PIWIL1: variants seen among roughly 807,000 people sequenced by gnomAD.
The protein encoded by PIWIL1 is piwi like RNA-mediated gene silencing 1.
Under a neutral mutation model 114.4 loss-of-function variants are expected in PIWIL1, and 73 were observed. That is an observed-to-expected ratio of 0.64 (90% CI 0.53 to 0.78). The LOEUF (loss-of-function observed/expected upper bound fraction) is 0.78, where lower values mean the gene tolerates loss of function less well. Among genes scored for constraint, PIWIL1 ranks in the 30% least tolerant of loss-of-function variants. The pLI is 0.00. For missense variants in PIWIL1, 723 were observed against 1,063.1 expected (o/e 0.68, Z 4.45); for synonymous variants, 375 against 369.0 (o/e 1.02, Z -0.19).
intron 19 of PIWIL1, 141 bp downstream of exon 19, chr12:130,367,399 G>T: frequency 1.2e-6 from 1 of 823,444 alleles, no homozygotes; most frequent in Non-Finnish European, 1.8e-6. Context: ...CAACTAATTT[G>T]GTCAAACATA....
At chr12:130,345,511 T>G (rs1252589320) in intron 3 of PIWIL1, 1 of 402,838 alleles carries the variant, frequency 2.5e-6, no homozygotes, top group East Asian at 4.5e-5. Context: ...TGCACATCTC[T>G]TGAAAGGGTG....
Position 130,356,909 on chromosome 12 carries a change from C to G in PIWIL1, c.1405-9C>G. ...ATGGAATTTACAGTGTGTCTGAACT[C>G]TCTTCTAGTTTGATTACAATCCACA... On this transcript the variant is annotated splice_polypyrimidine_tract_variant and intron_variant, in intron 12 of 20. Coordinates refer to ENST00000245255, the MANE Select transcript of PIWIL1 (RefSeq NM_004764.5). The G allele has an allele frequency of 6.3e-7, 1 of 1,589,140 alleles. No homozygotes were observed. The highest frequency in any genetic ancestry group is 8.6e-7 in the Non-Finnish European group (1 of 1,163,384).
At chr12:130,408,356 T>C in the PIWIL1 span, among the ~76,000 whole-genome samples, 649 of 152,298 alleles carry the variant, frequency 4.3e-3, 4 homozygotes, top group African/African-American at 0.015. Context: ...AGGGATGCCT[T>C]CTCCACCCAG....
At chr12:130,371,450 A>G in intron 20 of PIWIL1, 32 bp from the exon 21 acceptor site, 1 of 1,609,550 alleles carries the variant, frequency 6.2e-7, no homozygotes, top group South Asian at 1.1e-5. Context: ...CTAAGTCTAG[A>G]GTAATAGAAC....
chr12:130,404,943 T>TA, the PIWIL1 span, among the ~76,000 whole-genome samples: 4 of 152,182 alleles, frequency 2.6e-5, no homozygotes, highest in East Asian at 5.8e-4. Flanking sequence ...TTTTTATTAT[T>TA]AAAAAATGAT....
At chr12:130,373,426 G>T (rs2073843469), downstream of PIWIL1, among the ~76,000 whole-genome samples, 2 of 152,170 alleles carry the variant, frequency 1.3e-5, no homozygotes, top group African/African-American at 4.8e-5. Flanking sequence ...TGTGATAATT[G>T]TGGAAAAGTT....
In PIWIL1 at chr12:130,361,616, G is replaced by A. The variant is rs1182954040; in HGVS notation, c.1970+15G>A. On this transcript the variant is annotated intron_variant, in intron 16 of 20. Coordinates refer to ENST00000245255, the MANE Select transcript of PIWIL1 (RefSeq NM_004764.5). ...GGGATGACCCGGTGAGTGAGACTGGGCTACTGTGGGTGGCAGTGAGGACAT... is the reference window on the plus strand; with the variant it reads ...GGGATGACCCGGTGAGTGAGACTGGACTACTGTGGGTGGCAGTGAGGACAT... 6.2e-7 allele frequency: 1 copy of A among 1,600,208 alleles called. No homozygotes were observed. The highest frequency in any genetic ancestry group is 2.2e-5 in the East Asian group (1 of 44,788).
At position 130,346,416 on chromosome 12, in the gene PIWIL1, G is replaced by A; in HGVS notation, c.363G>A (p.Leu121=). ...IVRLSTNHFR[L]TSRPQWALYQ... is the part of the protein sequence containing the mutation. The stretch of plus-strand genomic sequence containing the variant: ...GGTTAAGCACTAACCATTTCCGGCT[G>A]ACATCCCGTCCCCAGTGGGCCTTAT... Residue 121 remains leucine, a synonymous_variant, in exon 5 of 21, where the codon CTG becomes CTA. Coordinates refer to ENST00000245255, the MANE Select transcript of PIWIL1 (RefSeq NM_004764.5). The A allele has an allele frequency of 6.2e-7, 1 of 1,614,150 alleles. No homozygotes were observed. The highest frequency in any genetic ancestry group is 8.5e-7 in the Non-Finnish European group (1 of 1,180,004).
At chr12:130,342,843 TTC>T (rs1402690004) in intron 2 of PIWIL1, 145 bp from the exon 3 acceptor site, 7 of 726,734 alleles carry the variant, frequency 9.6e-6, no homozygotes, top group Admixed American at 5.1e-5. Context: ...TTGGTGACTC[TTC>T]TCTCAAATTT....
chr12:130,354,660 A>G lies in PIWIL1; in HGVS notation c.1168A>G (p.Thr390Ala). Residue 390 changes from threonine to alanine, a missense_variant, in exon 10 of 21, where the codon ACA becomes GCA. Physicochemically the swap from Thr to Ala is moderately conservative, Grantham distance 58. Transcript: ENST00000245255. ...GCTCATTCCTGAGCTCTGCTATCTT[A>G]CAGGTACTGTTGCATTTCATTTACT... The part of the protein sequence containing the change: ...AMLIPELCYL[T>A]GLTDKMRNDF... 1 of 1,579,236 alleles carries G rather than the reference A, an allele frequency of 6.3e-7. No homozygotes were observed. The highest frequency in any genetic ancestry group is 8.6e-7 in the Non-Finnish European group (1 of 1,166,460).
At chr12:130,369,184 A>G (rs2073751806) in intron 19 of PIWIL1, among the ~76,000 whole-genome samples, 1 of 152,152 alleles carries the variant, frequency 6.6e-6, no homozygotes, top group Non-Finnish European at 1.5e-5. Flanking sequence ...TGCTGAGGAT[A>G]ACGGCTTCCA....
At chr12:130,376,565 C>T (rs931255793), downstream of PIWIL1, among the ~76,000 whole-genome samples, 7 of 152,186 alleles carry the variant, frequency 4.6e-5, 1 homozygote, top group African/African-American at 1.2e-4. Context: ...AGCCCTGTTC[C>T]AGCTCCGTAA....
intron 19 of PIWIL1, among the ~76,000 whole-genome samples, chr12:130,370,573 C>A (rs961883631): frequency 4.6e-5 from 7 of 152,148 alleles, no homozygotes; most frequent in Non-Finnish European, 1.0e-4. Flanking sequence ...GTCCTGGAAC[C>A]AATTCCCAAT....
chr12:130,368,287 T>C (rs1033623824), intron 19 of PIWIL1, among the ~76,000 whole-genome samples: 2 of 152,158 alleles, frequency 1.3e-5, no homozygotes, highest in Admixed American at 6.5e-5. Flanking sequence ...AGAAGGCGAC[T>C]TTAAGAGGAT....
At chr12:130,418,446 G>T in the PIWIL1 span, among the ~76,000 whole-genome samples, 3 of 152,218 alleles carry the variant, frequency 2.0e-5, no homozygotes, top group African/African-American at 7.2e-5. Flanking sequence ...TGATGGTGGA[G>T]AACAGCTGTG....
chr12:130,358,786 C>T (rs1044993281), intron 14 of PIWIL1, among the ~76,000 whole-genome samples: 15 of 152,194 alleles, frequency 9.9e-5, no homozygotes, highest in Admixed American at 3.9e-4. Context: ...CCGTCACTCT[C>T]GCACACTGCT....
At chr12:130,348,241 G>C in intron 7 of PIWIL1, 58 bp downstream of exon 7, 3 of 972,038 alleles carry the variant, frequency 3.1e-6, no homozygotes, top group Non-Finnish European at 4.7e-6. Context: ...CTTTTGAGAC[G>C]ATAACCTAAT....
chr12:130,386,606 A>G, the PIWIL1 span, among the ~76,000 whole-genome samples: 1 of 2,750 alleles, frequency 3.6e-4, no homozygotes, highest in Non-Finnish European at 6.2e-4. Flanking sequence ...CATGCACACC[A>G]CCCCCTTCCT....
the PIWIL1 span, chr12:130,424,255 G>A: frequency 8.1e-7 from 1 of 1,231,768 alleles, no homozygotes; most frequent in Non-Finnish European, 1.0e-6. This position sits in a 1 kb window ranked among gnomAD's most constrained non-coding sequence, Gnocchi z 9.8. Context: ...TGCTCGGTGG[G>A]CTCGCCCCAG....
Sources: gnomAD v4.1 joint callset for allele counts (sites outside exome capture counted in the v4.1 genomes callset) on GRCh38, gnomAD v4.1.1 for gene constraint, Gnocchi (gnomAD v3.1) non-coding constraint, MANE v1.5 for transcripts, NCBI Gene and HGNC (gene_info 2026-07-23, HGNC 2026-07-21) for gene names.